Variants in ATR observed in about 807,000 individuals in gnomAD.
The protein encoded by ATR is serine/threonine-protein kinase ATR.
In ATR, 142 loss-of-function variants were observed where a neutral mutation model predicts 305.3. The observed-to-expected ratio is 0.47, with a 90% CI of 0.41 to 0.53. The LOEUF (loss-of-function observed/expected upper bound fraction) is 0.53, where lower values mean the gene tolerates loss of function less well. ATR is among the 20% of genes least tolerant of loss of function. The pLI is 0.00. For missense variants in ATR, 2,135 were observed against 3,133.1 expected, an observed-to-expected ratio of 0.68 and a Z score of 7.60; for synonymous variants, 1,050 against 1,068.1, an observed-to-expected ratio of 0.98 and a Z score of 0.33.
chr3:142,496,959 C>G (rs760091725), intron 33 of ATR, 54 bp downstream of exon 33: 73 of 1,547,018 alleles, frequency 4.7e-5, no homozygotes, highest in Non-Finnish European at 6.2e-5. Context: ...CAAATAATAT[C>G]CAAATACCAA....
chr3:142,449,862 A>G (rs2070745408), intron 46 of ATR: 2 of 493,424 alleles, frequency 4.1e-6, no homozygotes, highest in African/African-American at 1.9e-5. Flanking sequence ...TTATTTACAC[A>G]TTACAATTCT....
At chr3:142,461,388 T>C (rs2071021166) in intron 42 of ATR, among the ~76,000 whole-genome samples, 1 of 152,214 alleles carries the variant, frequency 6.6e-6, no homozygotes, top group South Asian at 2.1e-4. Context: ...TCCCTATTTA[T>C]TTATTTACTC....
chr3:142,490,563 A>C (rs1043505000), intron 35 of ATR, among the ~76,000 whole-genome samples: 4 of 152,222 alleles, frequency 2.6e-5, no homozygotes, highest in African/African-American at 9.6e-5. Flanking sequence ...TGTGTGACCT[A>C]AGAAAACCTT....
intron 16 of ATR, among the ~76,000 whole-genome samples, chr3:142,543,786 C>T (rs2034156117): frequency 1.3e-5 from 2 of 152,074 alleles, no homozygotes; most frequent in South Asian, 4.1e-4. Flanking sequence ...CCTCCCAGCT[C>T]AGCCTCCTGA....
At chr3:142,529,855 T>G (rs1233770219) in intron 21 of ATR, among the ~76,000 whole-genome samples, 1 of 152,038 alleles carries the variant, frequency 6.6e-6, no homozygotes, top group Non-Finnish European at 1.5e-5. Context: ...CAGGAAGCTT[T>G]GAAGACTTTT....
intron 36 of ATR, among the ~76,000 whole-genome samples, chr3:142,479,323 A>AT (rs1308998032): frequency 6.6e-6 from 1 of 152,004 alleles, no homozygotes; most frequent in Non-Finnish European, 1.5e-5. Context: ...TCTGTAAAGG[A>AT]TTTTATTTCT....
intron 27 of ATR, among the ~76,000 whole-genome samples, chr3:142,510,589 A>G (rs1329511118): frequency 6.6e-6 from 1 of 152,250 alleles, no homozygotes; most frequent in African/African-American, 2.4e-5. Flanking sequence ...TTTCAGAAAA[A>G]TAATAAACTA....
At chr3:142,483,752 T>G (rs1577546125) in intron 36 of ATR, among the ~76,000 whole-genome samples, 1 of 152,212 alleles carries the variant, frequency 6.6e-6, no homozygotes, top group East Asian at 1.9e-4. Context: ...CAGAGTCGCT[T>G]GAACCTGGAA....
intron 13 of ATR, 51 bp downstream of exon 13, chr3:142,553,176 T>C: frequency 6.3e-7 from 1 of 1,576,450 alleles, no homozygotes; most frequent in Non-Finnish European, 8.7e-7. Context: ...TTTTTGTAAC[T>C]CTTAAAAAGT....
chr3:142,571,346 G>A (rs1470163319), intron 1 of ATR, among the ~76,000 whole-genome samples: 1 of 152,064 alleles, frequency 6.6e-6, no homozygotes, highest in Non-Finnish European at 1.5e-5. Flanking sequence ...GGCGCCTGTA[G>A]TCCCAGCTGC....
At chr3:142,465,272 G>A (rs555408965) in intron 40 of ATR, 32 bp from the exon 41 acceptor site, 2 of 1,582,854 alleles carry the variant, frequency 1.3e-6, no homozygotes, top group South Asian at 1.1e-5. Flanking sequence ...ATGAATTAGG[G>A]CCAAAAATTT....
chr3:142,528,881 T>TATA (rs1559967148), intron 21 of ATR, among the ~76,000 whole-genome samples: 15 of 49,792 alleles, frequency 3.0e-4, no homozygotes, highest in African/African-American at 2.7e-3. Context: ...ATATATATAT[T>TATA]TTTTTTTTTT....
chr3:142,569,523 C>T (rs1031773443), intron 1 of ATR, among the ~76,000 whole-genome samples: 1 of 152,026 alleles, frequency 6.6e-6, no homozygotes, highest in Non-Finnish European at 1.5e-5. Flanking sequence ...GGTTTCACCA[C>T]GTTGCCCAGG....
chr3:142,515,320 G>C, intron 25 of ATR, 75 bp downstream of exon 25: 2 of 1,566,500 alleles, frequency 1.3e-6, no homozygotes, highest in Non-Finnish European at 8.8e-7. Flanking sequence ...TATTGTGTGT[G>C]CTAGGCATTC....
chr3:142,519,477 T>G (rs1372780889), intron 24 of ATR, among the ~76,000 whole-genome samples, 192 bp downstream of exon 24: 1 of 152,044 alleles, frequency 6.6e-6, no homozygotes, highest in Non-Finnish European at 1.5e-5. Flanking sequence ...AATTTTTGTA[T>G]TTTTAGTAGA....
At chr3:142,499,584 G>T in intron 31 of ATR, 43 bp downstream of exon 31, 1 of 1,576,824 alleles carries the variant, frequency 6.3e-7, no homozygotes, top group Non-Finnish European at 8.7e-7. Context: ...GTGAGCCACC[G>T]CACCCATCCT....
intron 1 of ATR, 86 bp from the exon 2 acceptor site, chr3:142,568,240 A>C: frequency 1.0e-6 from 1 of 979,316 alleles, no homozygotes; most frequent in South Asian, 1.4e-5. Flanking sequence ...AACTCATCAA[A>C]TGTGTTCAGT....
intron 30 of ATR, among the ~76,000 whole-genome samples, chr3:142,500,833 T>C (rs2031919611): frequency 6.6e-6 from 1 of 152,042 alleles, no homozygotes; most frequent in Admixed American, 6.6e-5. Context: ...GACACCAAAA[T>C]ATAAAAATTT....
chr3:142,450,538 T>C (rs780636748), intron 46 of ATR: 3 of 1,606,502 alleles, frequency 1.9e-6, no homozygotes, highest in African/African-American at 1.3e-5. Context: ...GAAAATCAGA[T>C]CAAGGGAAGT....
Sources: gnomAD v4.1 joint callset for allele counts (sites outside exome capture counted in the v4.1 genomes callset) on GRCh38, gnomAD v4.1.1 for gene constraint, MANE v1.5 for transcripts, NCBI Gene and HGNC (gene_info 2026-07-23, HGNC 2026-07-21) for gene names.